The following TPPP2 variants were observed in gnomAD, a reference collection of about 807,000 sequenced individuals.
TPPP2 encodes tubulin polymerization-promoting protein family member 2.
TPPP2 carries 8 observed loss-of-function variants against 13.0 expected under a neutral mutation model. The ratio of observed to expected loss-of-function variants is 0.62; its 90% CI spans 0.36 to 1.11. The LOEUF is 1.11. Ranked by LOEUF, TPPP2 falls within the 50% of genes most tolerant of loss-of-function variation. The probability of loss-of-function intolerance (pLI) is 0.02; values close to 1 mark genes in which losing one functional copy is unlikely to be tolerated. For missense variants in TPPP2, 213 were observed against 216.9 expected, an observed-to-expected ratio of 0.98 and a Z score of 0.11; for synonymous variants, 81 against 81.8, an observed-to-expected ratio of 0.99 and a Z score of 0.05.
At chr14:21,034,181 G>T (rs2139091670), downstream of TPPP2, 1 of 1,613,964 alleles carries the variant, frequency 6.2e-7, no homozygotes, top group East Asian at 2.2e-5. Context: ...GATAGTCAAT[G>T]CTTAAGGTAT....
upstream of TPPP2, among the ~76,000 whole-genome samples, chr14:21,028,135 T>C (rs1883818848): frequency 6.6e-6 from 1 of 152,200 alleles, no homozygotes; most frequent in South Asian, 2.1e-4. Context: ...CTCCAGGGAC[T>C]ATGCTCCTTC....
chr14:21,030,470 G>A (rs564184478), intron 1 of TPPP2, 43 bp from the exon 2 acceptor site: 1 of 1,149,174 alleles, frequency 8.7e-7, no homozygotes, highest in South Asian at 1.6e-5. Flanking sequence ...TGTTCCTGTT[G>A]CTGACTGATT....
Position 21,032,201 on chromosome 14 carries a change from C to A in TPPP2, c.*124C>A. On this transcript the variant is annotated 3_prime_UTR_variant, in exon 4 of 4. Transcript: ENST00000321760. ...TCTCTGTCTGTGAGGGACAGATGAGCCTACTAGTGTAGAGAGAGGGAGAAG... is the reference window on the plus strand; with the variant it reads ...TCTCTGTCTGTGAGGGACAGATGAGACTACTAGTGTAGAGAGAGGGAGAAG... 1 of 1,008,150 alleles carries A rather than the reference C, an allele frequency of 9.9e-7. No individual in the cohort carries two copies. The highest frequency in any genetic ancestry group is 1.4e-5 in the South Asian group (1 of 73,796). 62.5% of individuals were successfully genotyped at this position (1,008,150 alleles called of 1,614,324 possible). A position where few individuals can be genotyped will look rare whatever the true frequency, so the allele number is the denominator to read the frequency against.
Position 21,032,122 on chromosome 14 carries a change from T to G in TPPP2, c.*45T>G, listed in dbSNP as rs1362773326. ...CTGCTAGCCCCCTGACCCTGCATGT[T>G]TAACACCAGGGAGCTTGGAAAACAA... is the stretch of plus-strand genomic sequence containing the variant. On this transcript the variant is annotated 3_prime_UTR_variant, in exon 4 of 4. Coordinates refer to ENST00000321760, the MANE Select transcript of TPPP2 (RefSeq NM_173846.5). The G allele has an allele frequency of 2.5e-6, 4 of 1,579,808 alleles. No homozygotes were observed. Among genetic ancestry groups the G allele is most frequent in the Non-Finnish European group, 3.5e-6 (4 of 1,151,348 alleles).
At chr14:21,024,858 G>T in intron 1 of TPPP2, 2 of 985,652 alleles carry the variant, frequency 2.0e-6, no homozygotes, top group Non-Finnish European at 2.4e-6. Flanking sequence ...CCCCAAACAC[G>T]CCCTGCAGCT....
chr14:21,032,903 T>A (rs772539927), downstream of TPPP2: 1 of 455,088 alleles, frequency 2.2e-6, no homozygotes, highest in Non-Finnish European at 4.4e-6. Context: ...CGTGTGCCCT[T>A]CACCCAGTTT....
At chr14:21,027,562 A>G (rs1044555736), upstream of TPPP2, among the ~76,000 whole-genome samples, 8 of 152,168 alleles carry the variant, frequency 5.3e-5, no homozygotes, top group Non-Finnish European at 1.2e-4. Flanking sequence ...ACCCCACATA[A>G]TAGGTATAGT....
downstream of TPPP2, chr14:21,034,427 C>A: frequency 1.5e-6 from 1 of 671,242 alleles, no homozygotes; most frequent in Non-Finnish European, 2.5e-6. Flanking sequence ...TTCTCATGAC[C>A]CAGAAAGAGG....
downstream of TPPP2, chr14:21,036,206 C>T (rs1358814431): frequency 8.8e-6 from 4 of 456,196 alleles, no homozygotes; most frequent in Non-Finnish European, 1.8e-5. Context: ...GCTCTCGTCT[C>T]GCCTGGACAG....
upstream of TPPP2, among the ~76,000 whole-genome samples, chr14:21,026,783 T>G (rs1361041291): frequency 6.6e-6 from 1 of 152,086 alleles, no homozygotes; most frequent in Non-Finnish European, 1.5e-5. Flanking sequence ...GCACAGAAGC[T>G]GGGCACCCTG....
Position 21,031,060 on chromosome 14 carries a change from G to A in TPPP2, c.222G>A (p.Val74=). The part of the protein sequence containing the change: ...TITFQQFKEA[V]KELGQKRFKG... ...CGTTTCAACAGTTCAAAGAGGCAGT[G>A]AAGGAACTGGGCCAGAAGCGCTTCA... The change falls in exon 3 of 4, where the codon GTG becomes GTA. Residue 74 remains valine, a synonymous_variant. Transcript: ENST00000321760. 6.2e-7 allele frequency: 1 copy of A among 1,614,138 alleles called. No individual in the cohort carries two copies. Among genetic ancestry groups the A allele is most frequent in the Non-Finnish European group, 8.5e-7 (1 of 1,180,022 alleles).
downstream of TPPP2, chr14:21,033,815 G>A: frequency 1.9e-6 from 3 of 1,589,178 alleles, no homozygotes; most frequent in Non-Finnish European, 2.6e-6. Flanking sequence ...AGTGGCTCAG[G>A]AATTAAATTC....
upstream of TPPP2, among the ~76,000 whole-genome samples, chr14:21,028,259 T>G (rs948998598): frequency 4.6e-5 from 7 of 151,924 alleles, no homozygotes; most frequent in African/African-American, 1.7e-4. Flanking sequence ...TTGTTTTGTT[T>G]TGTTTTGTTT....
chr14:21,028,183 C>G (rs1216056496), upstream of TPPP2, among the ~76,000 whole-genome samples: 1 of 152,098 alleles, frequency 6.6e-6, no homozygotes, highest in African/African-American at 2.4e-5. Flanking sequence ...AGCAATTAGG[C>G]CATATGACCC....
upstream of TPPP2, chr14:21,025,749 A>C: frequency 4.9e-6 from 1 of 205,236 alleles, no homozygotes. This position sits in a 1 kb window ranked among gnomAD's most constrained non-coding sequence, Gnocchi z 5.1. Flanking sequence ...CAAGGCGGGG[A>C]GGTGGGGGCG....
chr14:21,024,671 G>C (rs998285715), intron 1 of TPPP2: 13 of 985,220 alleles, frequency 1.3e-5, no homozygotes, highest in Admixed American at 6.2e-5. Flanking sequence ...GTTCTCCCCC[G>C]ACGGCCCGCG....
At chr14:21,034,192 A>G (rs1884459114), downstream of TPPP2, 2 of 1,614,014 alleles carry the variant, frequency 1.2e-6, no homozygotes, top group African/African-American at 2.7e-5. Flanking sequence ...CTTAAGGTAT[A>G]GAAGTTCCTG....
downstream of TPPP2, chr14:21,035,698 C>T: frequency 2.2e-6 from 1 of 446,774 alleles, no homozygotes; most frequent in Non-Finnish European, 4.5e-6. Flanking sequence ...TCATGTAGAG[C>T]CCCCTAAACT....
Position 21,031,000 on chromosome 14 carries a change from C to A in TPPP2, c.174-12C>A. The A allele has an allele frequency of 6.3e-7, 1 of 1,593,604 alleles. No homozygotes were observed. Among genetic ancestry groups the A allele is most frequent in the South Asian group, 1.1e-5 (1 of 87,924 alleles). On this transcript the variant is annotated splice_polypyrimidine_tract_variant and intron_variant, in intron 2 of 3. Transcript: ENST00000321760. ...TGCTCCAAAGTTTCTGGATTTCTGT[C>A]TAACTGACCAGGGCCAAGAACGCCC... is the stretch of plus-strand genomic sequence containing the variant.
Sources: allele counts gnomAD v4.1 joint callset (sites outside exome capture counted in the v4.1 genomes callset), GRCh38; gene constraint gnomAD v4.1.1; non-coding constraint Gnocchi (gnomAD v3.1); transcripts MANE v1.5; gene names NCBI Gene and HGNC (gene_info 2026-07-23, HGNC 2026-07-21).